The following ANGPTL1 variants were observed in gnomAD, a reference collection of about 807,000 sequenced individuals.
ANGPTL1 encodes angiopoietin-related protein 1.
Under a neutral mutation model 46.7 loss-of-function variants are expected in ANGPTL1, and 36 were observed. The observed-to-expected ratio is 0.77, with a 90% confidence interval of 0.59 to 1.02. The LOEUF (loss-of-function observed/expected upper bound fraction) is 1.02. Ranked by LOEUF, ANGPTL1 falls within the 50% of genes least tolerant of loss-of-function variation. The pLI is 0.00. For missense variants in ANGPTL1, 571 were observed against 594.7 expected (o/e 0.96, Z 0.41); for synonymous variants, 221 against 204.3 (o/e 1.08, Z -0.69).
At chr1:178,861,208 T>G (rs1657985735) in intron 3 of ANGPTL1, among the ~76,000 whole-genome samples, 2 of 152,210 alleles carry the variant, frequency 1.3e-5, no homozygotes, top group East Asian at 1.9e-4. Context: ...ATTCTTATGG[T>G]CTAGCAGATT....
chr1:178,861,967 G>A (rs1192225136), intron 3 of ANGPTL1, among the ~76,000 whole-genome samples: 1 of 151,992 alleles, frequency 6.6e-6, no homozygotes, highest in Non-Finnish European at 1.5e-5. Context: ...CCGCCCCCCA[G>A]GTTCAAGTGA....
intron 3 of ANGPTL1, among the ~76,000 whole-genome samples, chr1:178,863,219 G>GCCCC (rs1658154215): frequency 3.3e-5 from 5 of 152,172 alleles, no homozygotes; most frequent in Admixed American, 2.6e-4. Context: ...AAGGGGACAT[G>GCCCC]AGTAGAATTC....
In ANGPTL1 at chr1:178,863,051, T is replaced by C. The variant is rs542700649; in HGVS notation, c.823+1903A>G. 8.5e-5 allele frequency among the ~76,000 whole-genome samples: 13 copies of C among 152,324 alleles called. No homozygotes were observed. In the South Asian group the frequency reaches 2.5e-3, roughly 29 times the overall value. ...AATACTGTTATTCCCATTTCACAGG[T>C]AAGGAAACTGAGGCACAGATAATTT... is the stretch of plus-strand genomic sequence containing the variant. On this transcript the variant is annotated intron_variant, in intron 3 of 5. Coordinates refer to ENST00000234816, the MANE Select transcript of ANGPTL1 (RefSeq NM_004673.4).
At position 178,852,939 on chromosome 1, in the gene ANGPTL1, G is replaced by GT. The variant is rs1167329372; in HGVS notation, c.1031dup (p.Asn344LysfsTer3). 1.9e-6 allele frequency: 3 copies of GT among 1,611,418 alleles called. No individual in the cohort carries two copies. Among genetic ancestry groups the GT allele is most frequent in the Non-Finnish European group, 1.7e-6 (2 of 1,178,786 alleles). On this transcript the variant is annotated frameshift_variant, in exon 5 of 6. Transcript: ENST00000234816. LOFTEE classifies it high-confidence loss of function. ...GTCCAAGCCAGTATTCTCCGTCAATGTTTCCAAACCCTTTCTGTTAATAAG... is the reference window on the plus strand; with the variant it reads ...GTCCAAGCCAGTATTCTCCGTCAATGTTTTCCAAACCCTTTCTGTTAATAAG...
intron 2 of ANGPTL1, among the ~76,000 whole-genome samples, chr1:178,868,694 A>T (rs1658566115): frequency 6.6e-6 from 1 of 152,048 alleles, no homozygotes; most frequent in Admixed American, 6.6e-5. Context: ...CCTTGTGTGT[A>T]TTCTGCCTTG....
chr1:178,853,379 C>T (rs1377145782), intron 4 of ANGPTL1, among the ~76,000 whole-genome samples: 1 of 152,124 alleles, frequency 6.6e-6, no homozygotes, highest in Non-Finnish European at 1.5e-5. Flanking sequence ...TGAAAGGGAT[C>T]ATTTAAAAGT....
chr1:178,856,198 G>GATATATATATATATATATATAT (rs1232946834), intron 3 of ANGPTL1, among the ~76,000 whole-genome samples: 8 of 47,266 alleles, frequency 1.7e-4, no homozygotes, highest in African/African-American at 3.7e-4. Context: ...TCCAGAGAGA[G>GATATATATATATATATATATAT]AGAGATATAT....
chr1:178,856,198 G>GATATATATATATATATATAT (rs1232946834), intron 3 of ANGPTL1, among the ~76,000 whole-genome samples: 10 of 47,272 alleles, frequency 2.1e-4, no homozygotes, highest in African/African-American at 5.6e-4. Flanking sequence ...TCCAGAGAGA[G>GATATATATATATATATATAT]AGAGATATAT....
chr1:178,861,487 AC>A (rs1658009858), intron 3 of ANGPTL1, among the ~76,000 whole-genome samples: 1 of 152,018 alleles, frequency 6.6e-6, no homozygotes, highest in Non-Finnish European at 1.5e-5. Flanking sequence ...GTATAATAAA[AC>A]ATAGAATTGG....
chr1:178,868,949 CTGTTA>C (rs1658581124), intron 2 of ANGPTL1, among the ~76,000 whole-genome samples, 160 bp downstream of exon 2: 1 of 151,872 alleles, frequency 6.6e-6, no homozygotes, highest in South Asian at 2.1e-4. Context: ...AATACATTTA[CTGTTA>C]TGTTTTCTGA....
intron 5 of ANGPTL1, 101 bp downstream of exon 5, chr1:178,852,582 T>G: frequency 7.6e-7 from 1 of 1,315,620 alleles, no homozygotes; most frequent in Non-Finnish European, 1.0e-6. Flanking sequence ...TGACCAAAAC[T>G]GACCTTTTTG....
chr1:178,868,573 A>G (rs1658559784), intron 2 of ANGPTL1, among the ~76,000 whole-genome samples: 1 of 152,036 alleles, frequency 6.6e-6, no homozygotes, highest in South Asian at 2.1e-4. Context: ...GATTTTTATA[A>G]AACAGCTAAA....
rs760132857 is a variant in ANGPTL1 at position 178,851,220 on chromosome 1, C to T, written c.1385G>A (p.Ser462Asn). ...CCAGAAAATTCCATCTTGGTGCTTG[C>T]TTCTGTAATGGCCTCCTCTGTACCA... ...GVWYRGGHYR[S>N]KHQDGIFWAE... is the part of the protein sequence containing the mutation. Residue 462 changes from serine to asparagine, a missense_variant, in exon 6 of 6, where the codon AGC becomes AAC. By Grantham distance (46) the Ser-to-Asn change is conservative. Coordinates refer to ENST00000234816, the MANE Select transcript of ANGPTL1 (RefSeq NM_004673.4). The T allele has an allele frequency of 1.2e-6, 2 of 1,614,004 alleles. No individual in the cohort carries two copies. Among genetic ancestry groups the T allele is most frequent in the East Asian group, 2.2e-5 (1 of 44,868 alleles).
chr1:178,865,524 G>A lies in ANGPTL1; in HGVS notation c.253C>T (p.Leu85Phe), dbSNP rs568418711. The A allele has an allele frequency of 2.5e-6, 4 of 1,614,062 alleles. No individual in the cohort carries two copies. In the South Asian group the frequency reaches 3.3e-5, roughly 13 times the overall value. The change falls in exon 3 of 6, where the codon CTT becomes TTT. Residue 85 changes from leucine to phenylalanine, a missense_variant. By Grantham distance (22) the Leu-to-Phe change is conservative. Transcript: ENST00000234816. The part of the protein sequence containing the change: ...TIKDMITRMD[L>F]ENLKDVLSRQ... The stretch of plus-strand genomic sequence containing the variant: ...GAGAGCACATCCTTCAGGTTTTCAA[G>A]GTCCATCCTGGTGATCATGTCTTTA...
chr1:178,865,352 A>T lies in ANGPTL1; in HGVS notation c.425T>A (p.Ile142Asn). 1 of 1,614,124 alleles carries T rather than the reference A, an allele frequency of 6.2e-7. No homozygotes were observed. Among genetic ancestry groups the T allele is most frequent in the South Asian group, 1.1e-5 (1 of 91,076 alleles). Residue 142 changes from isoleucine to asparagine, a missense_variant, in exon 3 of 6, where the codon ATC becomes AAC. Coordinates refer to ENST00000234816, the MANE Select transcript of ANGPTL1 (RefSeq NM_004673.4). ...TTCAAGTGAATTATCCCTCTTACGG[A>T]TAATCTCATGTAATAATTGCATATA... ...QLYMQLLHEI[I>N]RKRDNSLELS...
intron 1 of ANGPTL1, among the ~76,000 whole-genome samples, chr1:178,869,939 A>G (rs1336353403): frequency 6.6e-6 from 1 of 152,090 alleles, no homozygotes; most frequent in Non-Finnish European, 1.5e-5. Flanking sequence ...ATTTCTACCT[A>G]AAATATTACA....
chr1:178,856,202 G>T (rs79368581), intron 3 of ANGPTL1, among the ~76,000 whole-genome samples: 2,702 of 82,816 alleles, frequency 0.033, 68 homozygotes, highest in African/African-American at 0.096. Flanking sequence ...GAGAGAGAGA[G>T]ATATATATAT....
At chr1:178,859,695 CTTTTTTTTTTT>C (rs1190050936) in intron 3 of ANGPTL1, among the ~76,000 whole-genome samples, 1 of 108,252 alleles carries the variant, frequency 9.2e-6, no homozygotes, top group East Asian at 3.1e-4. Flanking sequence ...ACACGAAGCA[CTTTTTTTTTTT>C]TTTTTTTTTT....
intron 3 of ANGPTL1, among the ~76,000 whole-genome samples, chr1:178,857,884 A>AT (rs1321221227): frequency 6.6e-6 from 1 of 152,176 alleles, no homozygotes; most frequent in Non-Finnish European, 1.5e-5. Context: ...AGCTATACTC[A>AT]TTTTTTGCTA....
Sources: allele counts gnomAD v4.1 joint callset (sites outside exome capture counted in the v4.1 genomes callset), GRCh38; gene constraint gnomAD v4.1.1; transcripts MANE v1.5; gene names NCBI Gene and HGNC (gene_info 2026-07-23, HGNC 2026-07-21).